OLFML2B: variants seen among roughly 807,000 people sequenced by gnomAD.
OLFML2B encodes olfactomedin like 2B, also known as olfactomedin-like protein 2B.
In OLFML2B, 57 loss-of-function variants were observed where a neutral mutation model predicts 74.9. That is an observed-to-expected ratio of 0.76 (90% CI 0.61 to 0.95). The LOEUF is 0.95. Ranked by LOEUF, OLFML2B falls within the 40% of genes least tolerant of loss-of-function variation. OLFML2B has a pLI of 0.00. For synonymous variants in OLFML2B, 388 were observed against 405.8 expected (o/e 0.96, Z 0.53); for missense variants, 986 against 970.6 (o/e 1.02, Z -0.21).
chr1:161,998,610 G>C (rs1278051235), intron 5 of OLFML2B, among the ~76,000 whole-genome samples: 1 of 148,832 alleles, frequency 6.7e-6, no homozygotes, highest in Non-Finnish European at 1.5e-5. Context: ...AGGACGCATA[G>C]TCATGGGTCC....
chr1:161,997,110 T>C (rs1333344149), intron 6 of OLFML2B, among the ~76,000 whole-genome samples: 1 of 152,084 alleles, frequency 6.6e-6, no homozygotes, highest in African/African-American at 2.4e-5. Flanking sequence ...TGAGCCAAGA[T>C]TGCACCACTG....
At chr1:161,993,777 A>G (rs1418566205) in intron 6 of OLFML2B, among the ~76,000 whole-genome samples, 1 of 152,126 alleles carries the variant, frequency 6.6e-6, no homozygotes, top group Non-Finnish European at 1.5e-5. Flanking sequence ...GAGCTGGAGA[A>G]CACCCTCAGA....
chr1:161,994,722 G>C (rs562512362), intron 6 of OLFML2B, among the ~76,000 whole-genome samples: 11 of 152,234 alleles, frequency 7.2e-5, no homozygotes, highest in Admixed American at 1.3e-4. Flanking sequence ...CCCTGTCCTA[G>C]AGCTACACTA....
chr1:161,983,527 C>T lies in OLFML2B; in HGVS notation c.*148G>A, dbSNP rs1454969056. ...TCTACAATCCATATAAAAAAATAGA[C>T]CCAAATTGTCATTTTACATTTGCAA... is the stretch of plus-strand genomic sequence containing the variant. On this transcript the variant is annotated 3_prime_UTR_variant, in exon 8 of 8. Coordinates refer to ENST00000294794, the MANE Select transcript of OLFML2B (RefSeq NM_015441.3). The T allele has an allele frequency of 3.6e-5, 31 of 861,836 alleles. 1 individual carries two copies. In the South Asian group the frequency reaches 4.4e-4, roughly 12 times the overall value. 53.4% of individuals were successfully genotyped at this position (861,836 alleles called of 1,614,324 possible). A position where few individuals can be genotyped will look rare whatever the true frequency, so the allele number is the denominator to read the frequency against.
chr1:162,017,276 T>C, intron 3 of OLFML2B, 124 bp downstream of exon 3: 1 of 674,510 alleles, frequency 1.5e-6, no homozygotes, highest in Non-Finnish European at 2.6e-6. Context: ...ATATTTTCCC[T>C]TTCATAGAAT....
chr1:162,008,206 T>C (rs768948712), intron 3 of OLFML2B, among the ~76,000 whole-genome samples: 28 of 152,146 alleles, frequency 1.8e-4, no homozygotes, highest in Admixed American at 5.9e-4. Flanking sequence ...ACTTTTCCTA[T>C]GGGTTGTTAG....
chr1:161,997,555 T>C (rs1201489718), intron 6 of OLFML2B, among the ~76,000 whole-genome samples: 1 of 152,204 alleles, frequency 6.6e-6, no homozygotes, highest in Admixed American at 6.5e-5. Flanking sequence ...TCAACAAATA[T>C]TTATAAAACT....
chr1:162,020,945 T>G (rs929086745), intron 1 of OLFML2B, among the ~76,000 whole-genome samples: 4 of 152,170 alleles, frequency 2.6e-5, no homozygotes, highest in Admixed American at 2.6e-4. Context: ...CTAAGGACTG[T>G]GAGGTGCTGT....
intron 7 of OLFML2B, 21 bp from the exon 8 acceptor site, chr1:161,984,297 G>C (rs1689525455): frequency 1.3e-6 from 2 of 1,516,542 alleles, no homozygotes; most frequent in East Asian, 4.5e-5. Context: ...GGAGAAAACA[G>C]GAGGCTTCAG....
rs756430892 is a variant in OLFML2B at position 161,984,875 on chromosome 1, C to A, written c.1580G>T (p.Arg527Leu). ...WMKDPLAKDE[R>L]IYVTNYYYGN... ...GTAGTAATAGTTGGTTACGTAAATCCGCTCATCCTTGGCCAGGGGGTCCTT... is the reference window on the plus strand; with the variant it reads ...GTAGTAATAGTTGGTTACGTAAATCAGCTCATCCTTGGCCAGGGGGTCCTT... Residue 527 changes from arginine (R) to leucine (L), a missense_variant, in exon 7 of 8, where the codon CGG becomes CTG. Arg to Leu is a moderately radical substitution (Grantham distance 102). Transcript: ENST00000294794. 2 of 1,612,496 alleles carry A rather than the reference C, an allele frequency of 1.2e-6. No individual in the cohort carries two copies. Among genetic ancestry groups the A allele is most frequent in the Non-Finnish European group, 1.7e-6 (2 of 1,179,762 alleles).
intron 6 of OLFML2B, among the ~76,000 whole-genome samples, chr1:161,989,775 A>G (rs1014987363): frequency 2.0e-5 from 3 of 152,214 alleles, no homozygotes; most frequent in African/African-American, 7.2e-5. Context: ...CCACTTGCAT[A>G]TAGGGTTTGC....
At chr1:162,005,749 A>T (rs1000383262) in intron 4 of OLFML2B, among the ~76,000 whole-genome samples, 6 of 152,056 alleles carry the variant, frequency 3.9e-5, no homozygotes, top group African/African-American at 1.4e-4. Flanking sequence ...AAAAATAAAA[A>T]AATTTTATTA....
chr1:161,992,294 C>G (rs1232999845), intron 6 of OLFML2B, among the ~76,000 whole-genome samples: 1 of 152,220 alleles, frequency 6.6e-6, no homozygotes, highest in Non-Finnish European at 1.5e-5. Flanking sequence ...AGAGTTAGGG[C>G]CTTGCTCTGG....
At chr1:162,021,070 A>G (rs895023426) in intron 1 of OLFML2B, among the ~76,000 whole-genome samples, 2 of 152,234 alleles carry the variant, frequency 1.3e-5, no homozygotes. Context: ...CCGAAGAGGC[A>G]GAGGGAAAGG....
chr1:162,007,293 C>G (rs762534316), intron 3 of OLFML2B, among the ~76,000 whole-genome samples: 1 of 152,152 alleles, frequency 6.6e-6, no homozygotes, highest in Non-Finnish European at 1.5e-5. Context: ...ATGTCAGGTT[C>G]TGTAAATACC....
At chr1:162,010,754 A>G (rs903606679) in intron 3 of OLFML2B, among the ~76,000 whole-genome samples, 1 of 151,566 alleles carries the variant, frequency 6.6e-6, no homozygotes, top group Non-Finnish European at 1.5e-5. Context: ...TGGTCGGGGG[A>G]GGGTGCTGGC....
intron 6 of OLFML2B, among the ~76,000 whole-genome samples, chr1:161,994,664 C>G (rs1304685494): frequency 1.3e-5 from 2 of 152,220 alleles, no homozygotes; most frequent in African/African-American, 4.8e-5. Context: ...CGGATGGTAC[C>G]AATCCTACCC....
At chr1:161,985,216 T>C (rs1689559219) in intron 6 of OLFML2B, 1 of 449,794 alleles carries the variant, frequency 2.2e-6, no homozygotes, top group South Asian at 4.3e-5. Flanking sequence ...CACACCACTA[T>C]GCTTTGCTCC....
At chr1:161,998,416 T>A in intron 5 of OLFML2B, 67 bp from the exon 6 acceptor site, 1 of 1,499,268 alleles carries the variant, frequency 6.7e-7, no homozygotes, top group Non-Finnish European at 9.0e-7. Flanking sequence ...CAAGAGCACA[T>A]GGCAATGAGC....
Sources: allele counts gnomAD v4.1 joint callset (sites outside exome capture counted in the v4.1 genomes callset), GRCh38; gene constraint gnomAD v4.1.1; transcripts MANE v1.5; gene names NCBI Gene and HGNC (gene_info 2026-07-23, HGNC 2026-07-21).